The following SLC24A4 variants were observed in gnomAD, a reference collection of about 807,000 sequenced individuals.
SLC24A4 encodes the protein sodium/potassium/calcium exchanger 4.
A neutral mutation model predicts 79.0 loss-of-function variants in SLC24A4; 53 were observed. The ratio of observed to expected loss-of-function variants is 0.67; its 90% CI spans 0.54 to 0.84. SLC24A4 has a LOEUF of 0.84. Ranked by LOEUF, SLC24A4 falls within the 40% of genes least tolerant of loss-of-function variation. The probability of loss-of-function intolerance (pLI) is 0.00; values close to 1 mark genes in which losing one functional copy is unlikely to be tolerated. For missense variants in SLC24A4, 731 were observed against 822.0 expected (o/e 0.89, Z 1.35); for synonymous variants, 323 against 323.8 (o/e 1.00, Z 0.03).
intron 2 of SLC24A4, among the ~76,000 whole-genome samples, chr14:92,354,215 G>C (rs1887048804): frequency 6.6e-6 from 1 of 151,026 alleles, no homozygotes; most frequent in African/African-American, 2.4e-5. Flanking sequence ...CGCCCAGGCT[G>C]GAGTGCAGTG....
At chr14:92,369,725 G>A (rs1024382928) in intron 2 of SLC24A4, among the ~76,000 whole-genome samples, 3 of 152,132 alleles carry the variant, frequency 2.0e-5, no homozygotes, top group African/African-American at 7.2e-5. Context: ...TCATGGTGGG[G>A]GCTGTCCTGT....
chr14:92,363,911 C>T (rs1887675090), intron 2 of SLC24A4, among the ~76,000 whole-genome samples: 1 of 152,184 alleles, frequency 6.6e-6, no homozygotes, highest in Admixed American at 6.5e-5. Flanking sequence ...TGCTGCCTGG[C>T]CCCCATCACT....
At chr14:92,445,447 T>G (rs371677921) in intron 8 of SLC24A4, 105 bp downstream of exon 8, 3 of 1,219,170 alleles carry the variant, frequency 2.5e-6, no homozygotes, top group South Asian at 1.3e-5. Flanking sequence ...TTTATAAACT[T>G]AAGCTTATTA....
intron 2 of SLC24A4, among the ~76,000 whole-genome samples, chr14:92,406,801 G>A (rs992853048): frequency 6.6e-6 from 1 of 151,960 alleles, no homozygotes; most frequent in Non-Finnish European, 1.5e-5. Context: ...GCTTGTGATG[G>A]GGGGGTCTCT....
At chr14:92,342,668 C>T (rs139342591) in intron 2 of SLC24A4, among the ~76,000 whole-genome samples, 1 of 152,342 alleles carries the variant, frequency 6.6e-6, no homozygotes, top group East Asian at 1.9e-4. Context: ...AGGCGTGCAC[C>T]ACCGCATGCC....
At chr14:92,464,694 A>T (rs1178557506) in intron 12 of SLC24A4, among the ~76,000 whole-genome samples, 2 of 152,068 alleles carry the variant, frequency 1.3e-5, no homozygotes, top group African/African-American at 4.8e-5. Flanking sequence ...CTTCTGGGAG[A>T]TGTCACCGTT....
chr14:92,475,035 G>A (rs1370374488), intron 12 of SLC24A4, among the ~76,000 whole-genome samples: 1 of 150,828 alleles, frequency 6.6e-6, no homozygotes, highest in African/African-American at 2.4e-5. Context: ...ATACGGTCCT[G>A]GTAGTAATGG....
At chr14:92,360,340 A>C (rs1343328811) in intron 2 of SLC24A4, among the ~76,000 whole-genome samples, 2 of 152,148 alleles carry the variant, frequency 1.3e-5, no homozygotes, top group Non-Finnish European at 2.9e-5. Context: ...GGCTCAAGCA[A>C]TCCTCCCTCC....
intron 2 of SLC24A4, among the ~76,000 whole-genome samples, chr14:92,337,876 T>G (rs1885904865): frequency 6.6e-6 from 1 of 152,128 alleles, no homozygotes; most frequent in Non-Finnish European, 1.5e-5. Flanking sequence ...TGCAATTACC[T>G]CTTAAAGAGA....
intron 13 of SLC24A4, 138 bp downstream of exon 13, chr14:92,482,984 T>A: frequency 1.2e-6 from 1 of 812,204 alleles, no homozygotes; most frequent in Non-Finnish European, 1.9e-6. Context: ...TATTTCTCAG[T>A]AGAAAAGGGT....
chr14:92,420,465 G>A (rs367635213), intron 2 of SLC24A4, among the ~76,000 whole-genome samples: 6 of 151,714 alleles, frequency 4.0e-5, no homozygotes, highest in Admixed American at 1.3e-4. Flanking sequence ...GCGACAGAGC[G>A]AGACTCTGTC....
At chr14:92,416,725 T>A (rs559883230) in intron 2 of SLC24A4, among the ~76,000 whole-genome samples, 2 of 152,316 alleles carry the variant, frequency 1.3e-5, no homozygotes, top group East Asian at 3.9e-4. Flanking sequence ...TAAGGAACGA[T>A]GTAATTTTCC....
chr14:92,482,648 C>G, intron 12 of SLC24A4, 32 bp from the exon 13 acceptor site: 2 of 1,567,658 alleles, frequency 1.3e-6, no homozygotes, highest in Non-Finnish European at 1.7e-6. Flanking sequence ...TTCTCTCCCC[C>G]TCCTTTCTCA....
intron 2 of SLC24A4, among the ~76,000 whole-genome samples, chr14:92,357,386 GT>G (rs995740708): frequency 6.6e-6 from 1 of 152,162 alleles, no homozygotes; most frequent in African/African-American, 2.4e-5. Context: ...TGAGATATTT[GT>G]ACACCCAGGC....
chr14:92,445,461 T>A, intron 8 of SLC24A4, 119 bp downstream of exon 8: 1 of 1,116,894 alleles, frequency 9.0e-7, no homozygotes, highest in Non-Finnish European at 1.3e-6. Flanking sequence ...CTTATTAACT[T>A]GTGAAAGTGA....
At chr14:92,355,877 C>T (rs557730039) in intron 2 of SLC24A4, among the ~76,000 whole-genome samples, 6 of 152,220 alleles carry the variant, frequency 3.9e-5, no homozygotes, top group African/African-American at 1.2e-4. Context: ...TTTCTGACAT[C>T]GTGTGTTGAT....
intron 13 of SLC24A4, chr14:92,484,194 A>G: frequency 1.0e-6 from 1 of 984,772 alleles, no homozygotes; most frequent in Non-Finnish European, 1.2e-6. Context: ...CTCCCAGAGC[A>G]TTACTGGAAT....
intron 8 of SLC24A4, 136 bp downstream of exon 8, chr14:92,445,478 G>C: frequency 2.0e-6 from 2 of 999,882 alleles, no homozygotes; most frequent in South Asian, 1.6e-5. Flanking sequence ...GTGAAAAAAA[G>C]ATATTCTAAG....
chr14:92,412,980 G>A (rs1343563841), intron 2 of SLC24A4, among the ~76,000 whole-genome samples: 1 of 152,190 alleles, frequency 6.6e-6, no homozygotes, highest in East Asian at 1.9e-4. Context: ...CATAAATAAA[G>A]TTTTATTGGA....
Sources: gnomAD v4.1 joint callset for allele counts (sites outside exome capture counted in the v4.1 genomes callset) on GRCh38, gnomAD v4.1.1 for gene constraint, MANE v1.5 for transcripts, NCBI Gene and HGNC (gene_info 2026-07-23, HGNC 2026-07-21) for gene names.